The following TNC variants were observed in gnomAD, a reference collection of about 807,000 sequenced individuals.
TNC encodes tenascin C, also known as tenascin.
In TNC, 109 loss-of-function variants were observed where a neutral mutation model predicts 202.4. The ratio of observed to expected loss-of-function variants is 0.54; its 90% CI spans 0.46 to 0.63. TNC has a LOEUF of 0.63. Ranked by LOEUF, TNC falls within the 30% of genes least tolerant of loss-of-function variation. TNC has a pLI of 0.00. For synonymous variants in TNC, 1,007 were observed against 1,089.7 expected (o/e 0.92, Z 1.50); for missense variants, 2,756 against 2,833.3 (o/e 0.97, Z 0.62).
chr9:115,111,779 G>T (rs991900892), intron 1 of TNC, among the ~76,000 whole-genome samples: 1 of 152,072 alleles, frequency 6.6e-6, no homozygotes, highest in Non-Finnish European at 1.5e-5. Flanking sequence ...GCAAGGAACT[G>T]AGGGTAGCCT....
chr9:115,068,233 GTCT>G lies in TNC; in HGVS notation c.3215-3317_3215-3315del, dbSNP rs141323588. ...GGCATTTCTTTATCAAAAGGCTGTT[GTCT>G]TCTTCTTACAGCTGTGCACTGGAAT... On this transcript the variant is annotated intron_variant, in intron 10 of 27. Transcript: ENST00000350763. Among the ~76,000 whole-genome samples, 41 of 152,258 alleles carry G rather than the reference GTCT, an allele frequency of 2.7e-4. No individual in the cohort carries two copies. The East Asian group carries it at 7.1e-3, about 27-fold the overall frequency.
chr9:115,029,423 A>G lies in TNC; in HGVS notation c.6106T>C (p.Phe2036Leu). The change falls in exon 25 of 28, where the codon TTC (phenylalanine) becomes CTC (leucine). Residue 2036 changes from phenylalanine (F) to leucine (L), a missense_variant. Physicochemically the swap from Phe to Leu is conservative, Grantham distance 22. Coordinates refer to ENST00000350763, the MANE Select transcript of TNC (RefSeq NM_002160.4). ...GCATATGCCTTCCAGTTTTGGTAGA[A>G]GTTCTCGCGTCCGTTTTTGCGTCTC... is the stretch of plus-strand genomic sequence containing the variant. ...FLRRKNGREN[F>L]YQNWKAYAAG... 1 of 1,614,124 alleles carries G rather than the reference A, an allele frequency of 6.2e-7. No homozygotes were observed. Among genetic ancestry groups the G allele is most frequent in the Non-Finnish European group, 8.5e-7 (1 of 1,180,008 alleles).
chr9:115,025,217 T>C (rs909422141), intron 26 of TNC, among the ~76,000 whole-genome samples: 1 of 152,254 alleles, frequency 6.6e-6, no homozygotes, highest in African/African-American at 2.4e-5. Context: ...ACATTCTTCT[T>C]CTTGCCTGAA....
chr9:115,042,648 C>T (rs368749062), intron 17 of TNC, among the ~76,000 whole-genome samples: 7 of 152,154 alleles, frequency 4.6e-5, no homozygotes, highest in African/African-American at 1.4e-4. Context: ...ATGTGACCCC[C>T]GTTCATTTTT....
chr9:115,024,519 G>T (rs1185419964), intron 26 of TNC, among the ~76,000 whole-genome samples: 1 of 152,122 alleles, frequency 6.6e-6, no homozygotes, highest in Non-Finnish European at 1.5e-5. Context: ...TGACAATAAA[G>T]GTGTATGCTA....
Position 115,059,991 on chromosome 9 carries a change from G to C in TNC, c.4045C>G (p.Gln1349Glu). The change falls in exon 14 of 28, where the codon CAG becomes GAG. Residue 1349 changes from glutamine to glutamate, a missense_variant. Coordinates refer to ENST00000350763, the MANE Select transcript of TNC (RefSeq NM_002160.4). ...TCAGACACGGCTAAATCTCCCAGCT[G>C]TGGGAGATCCTCTGAAGAAGGACAG... ...AVEVVTEDLP[Q>E]LGDLAVSEVG... 6.2e-7 allele frequency: 1 copy of C among 1,612,818 alleles called. No individual in the cohort carries two copies. Among genetic ancestry groups the C allele is most frequent in the Non-Finnish European group, 8.5e-7 (1 of 1,179,172 alleles).
intron 25 of TNC, among the ~76,000 whole-genome samples, chr9:115,028,662 G>C (rs1417584717): frequency 6.6e-6 from 1 of 152,038 alleles, no homozygotes; most frequent in Non-Finnish European, 1.5e-5. Context: ...AGTCATGGGA[G>C]AAACTGCCTC....
chr9:115,094,109 A>G (rs1282510550), intron 1 of TNC, among the ~76,000 whole-genome samples: 1 of 152,206 alleles, frequency 6.6e-6, no homozygotes, highest in African/African-American at 2.4e-5. Flanking sequence ...AAACCTTTCC[A>G]GAGAAAATTA....
At chr9:115,080,773 G>A (rs1257381453) in intron 6 of TNC, among the ~76,000 whole-genome samples, 1 of 152,014 alleles carries the variant, frequency 6.6e-6, no homozygotes, top group Non-Finnish European at 1.5e-5. Flanking sequence ...TTAGCCAGAT[G>A]TGGTGGTGGG....
At chr9:115,021,671 C>T (rs775912681) in intron 27 of TNC, among the ~76,000 whole-genome samples, 40 of 151,936 alleles carry the variant, frequency 2.6e-4, no homozygotes, top group African/African-American at 8.7e-4. Context: ...CTGTAATTCA[C>T]GAGATTCCTA....
chr9:115,022,473 G>A (rs912797135), intron 27 of TNC, among the ~76,000 whole-genome samples: 5 of 152,334 alleles, frequency 3.3e-5, no homozygotes, highest in Non-Finnish European at 7.3e-5. Flanking sequence ...TGGAGCTGGG[G>A]CTCCCCTCCT....
intron 21 of TNC, 58 bp from the exon 22 acceptor site, chr9:115,035,392 C>T (rs985476384): frequency 1.5e-5 from 24 of 1,554,040 alleles, no homozygotes; most frequent in Admixed American, 1.1e-4. Flanking sequence ...GGCAGAAATT[C>T]GGGCTGGGTA....
chr9:115,101,255 AG>A (rs1473137999), intron 1 of TNC, among the ~76,000 whole-genome samples: 4 of 152,220 alleles, frequency 2.6e-5, no homozygotes, highest in African/African-American at 9.6e-5. Context: ...TCTGTTGCCC[AG>A]GCTGGAGTGC....
intron 1 of TNC, among the ~76,000 whole-genome samples, chr9:115,115,930 A>G (rs1300416669): frequency 6.6e-6 from 1 of 152,250 alleles, no homozygotes; most frequent in Admixed American, 6.5e-5. Context: ...ATCATTAAAA[A>G]TAAGTTTAAA....
chr9:115,064,912 G>A lies in TNC; in HGVS notation c.3222C>T (p.Ala1074=), dbSNP rs1328509905. 6.2e-7 allele frequency: 1 copy of A among 1,613,448 alleles called. No homozygotes were observed. Among genetic ancestry groups the A allele is most frequent in the Non-Finnish European group, 8.5e-7 (1 of 1,179,698 alleles). Residue 1074 remains alanine (A), a synonymous_variant, in exon 11 of 28, where the codon GCC becomes GCT. Transcript: ENST00000350763. ...TCACGGTGAGGTTTTCCAGCTCAGG[G>A]GCTTGTTCTGAATAATGACAGAGAT... is the stretch of plus-strand genomic sequence containing the variant. The part of the protein sequence containing the change: ...PARVKASTEQ[A]PELENLTVTE...
intron 1 of TNC, among the ~76,000 whole-genome samples, chr9:115,098,031 C>T (rs967502041): frequency 1.3e-5 from 2 of 152,092 alleles, no homozygotes; most frequent in African/African-American, 4.8e-5. Flanking sequence ...TCTCCAAATA[C>T]CTGGTACATT....
chr9:115,064,006 T>A lies in TNC; in HGVS notation c.3550A>T (p.Asn1184Tyr). The change falls in exon 12 of 28, where the codon AAC (asparagine) becomes TAC (tyrosine). Residue 1184 changes from asparagine to tyrosine, a missense_variant. Transcript: ENST00000350763. ...AEVGWDALKL[N>Y]WTAPEGAYEY... ...TAGGCCCCTTCTGGAGCAGTCCAGTTGAGTTTGAGGGCATCCCAGCCCACC... is the reference window on the plus strand; with the variant it reads ...TAGGCCCCTTCTGGAGCAGTCCAGTAGAGTTTGAGGGCATCCCAGCCCACC... The A allele has an allele frequency of 1.2e-6, 2 of 1,614,036 alleles. No homozygotes were observed. The highest frequency in any genetic ancestry group is 2.2e-5 in the South Asian group (2 of 91,068).
Position 115,062,662 on chromosome 9 carries a change from T to TAC in TNC, c.4033+253_4033+254dup, listed in dbSNP as rs200041350. Among the ~76,000 whole-genome samples the TAC allele has an allele frequency of 6.0e-5, 9 of 150,744 alleles. No individual in the cohort carries two copies. In the South Asian group the frequency reaches 1.5e-3, roughly 25 times the overall value. Reference sequence around the variant, plus strand: ...ATATACACACACACATATATATATATACACACACACACTATATATATAAGT... The same window carrying TAC: ...ATATACACACACACATATATATATATACACACACACACACTATATATATAAGT... On this transcript the variant is annotated intron_variant, in intron 13 of 27. Coordinates refer to ENST00000350763, the MANE Select transcript of TNC (RefSeq NM_002160.4).
At position 115,078,096 on chromosome 9, in the gene TNC, C is replaced by A; in HGVS notation, c.2521G>T (p.Asp841Tyr). The change falls in exon 7 of 28, where the codon GAC becomes TAC. Residue 841 changes from aspartate to tyrosine, a missense_variant. By Grantham distance (160) the Asp-to-Tyr change is radical. Around this residue, in one of 2 missense-constraint regions of TNC, gnomAD observed 2,559 missense variants for 2,546.0 expected, o/e 1.01. Coordinates refer to ENST00000350763, the MANE Select transcript of TNC (RefSeq NM_002160.4). ...DGIELTYGIK[D>Y]VPGDRTTIDL... Reference sequence around the variant, plus strand: ...ATGGTGGTACGGTCTCCTGGCACGTCTTTGATGCCGTAGGTCAGCTCAATG... The same window carrying A: ...ATGGTGGTACGGTCTCCTGGCACGTATTTGATGCCGTAGGTCAGCTCAATG... 1 of 1,614,152 alleles carries A rather than the reference C, an allele frequency of 6.2e-7. No homozygotes were observed. The highest frequency in any genetic ancestry group is 1.3e-5 in the African/African-American group (1 of 75,018).
Sources: allele counts gnomAD v4.1 joint callset (sites outside exome capture counted in the v4.1 genomes callset), GRCh38; gene constraint gnomAD v4.1.1; regional missense constraint gnomAD v4.1.1; transcripts MANE v1.5; gene names NCBI Gene and HGNC (gene_info 2026-07-23, HGNC 2026-07-21).